The following RANBP2 variants were observed in gnomAD, a reference collection of about 807,000 sequenced individuals.
RANBP2 encodes RAN binding protein 2.
A neutral mutation model predicts 303.6 loss-of-function variants in RANBP2; 57 were observed. The observed-to-expected ratio is 0.19, with a 90% CI of 0.15 to 0.23. RANBP2 has a LOEUF of 0.23. RANBP2 is among the 10% of genes least tolerant of loss of function. The pLI is 1.00. For missense variants in RANBP2, 3,138 were observed against 3,780.8 expected, an observed-to-expected ratio of 0.83 and a Z score of 4.46; for synonymous variants, 1,167 against 1,301.5, an observed-to-expected ratio of 0.90 and a Z score of 2.23.
the RANBP2 span, among the ~76,000 whole-genome samples, chr2:108,864,978 A>G: frequency 6.6e-6 from 1 of 152,006 alleles, no homozygotes; most frequent in Admixed American, 6.6e-5. Flanking sequence ...AATAAATAGT[A>G]ACACATTCAC....
At chr2:109,426,337 T>C in the RANBP2 span, among the ~76,000 whole-genome samples, 1 of 152,236 alleles carries the variant, frequency 6.6e-6, no homozygotes, top group Non-Finnish European at 1.5e-5. Flanking sequence ...TTGTGATTCA[T>C]GGGAGGAGGT....
At chr2:109,430,679 T>A in the RANBP2 span, among the ~76,000 whole-genome samples, 1 of 152,240 alleles carries the variant, frequency 6.6e-6, no homozygotes, top group African/African-American at 2.4e-5. Flanking sequence ...ATTTCCTCTA[T>A]GGTGATGGGA....
chr2:109,714,342 G>A, the RANBP2 span, among the ~76,000 whole-genome samples: 3 of 151,778 alleles, frequency 2.0e-5, no homozygotes, highest in African/African-American at 4.8e-5. Context: ...TCGCTCTGTC[G>A]CCAGGCTGGA....
At chr2:108,797,791 A>G in the RANBP2 span, among the ~76,000 whole-genome samples, 1 of 152,168 alleles carries the variant, frequency 6.6e-6, no homozygotes, top group African/African-American at 2.4e-5. Context: ...GGAATATAGG[A>G]CATGATGTAT....
chr2:108,944,416 G>A, the RANBP2 span, among the ~76,000 whole-genome samples: 4 of 152,204 alleles, frequency 2.6e-5, no homozygotes, highest in Non-Finnish European at 5.9e-5. Context: ...GCCCGGCCCA[G>A]GAATGGTATA....
the RANBP2 span, among the ~76,000 whole-genome samples, chr2:109,483,976 C>T: frequency 2.6e-5 from 4 of 152,134 alleles, no homozygotes; most frequent in African/African-American, 9.7e-5. Flanking sequence ...ACCTCTATCT[C>T]AGCTCCTTGG....
the RANBP2 span, among the ~76,000 whole-genome samples, chr2:109,282,567 T>C: frequency 6.6e-6 from 1 of 152,202 alleles, no homozygotes; most frequent in Admixed American, 6.5e-5. Flanking sequence ...CTGCAGGGCC[T>C]GGGAACACTG....
the RANBP2 span, among the ~76,000 whole-genome samples, chr2:108,890,801 C>A: frequency 2.6e-5 from 4 of 152,068 alleles, no homozygotes; most frequent in Admixed American, 1.3e-4. Context: ...ACTAATAACT[C>A]GAATATTTGA....
chr2:108,748,191 G>A (rs373221693), intron 8 of RANBP2, among the ~76,000 whole-genome samples: 3 of 151,628 alleles, frequency 2.0e-5, no homozygotes, highest in East Asian at 1.9e-4. Context: ...CTCTGGGAAC[G>A]AGGCCTGGAA....
At chr2:108,979,467 TCACACACACACA>T in the RANBP2 span, among the ~76,000 whole-genome samples, 2 of 147,112 alleles carry the variant, frequency 1.4e-5, no homozygotes, top group African/African-American at 5.0e-5. Flanking sequence ...TCTCTCTCTC[TCACACACACACA>T]CACACACACA....
chr2:109,601,358 A>G, the RANBP2 span, among the ~76,000 whole-genome samples: 1 of 152,372 alleles, frequency 6.6e-6, no homozygotes, highest in South Asian at 2.1e-4. Flanking sequence ...GACCAAATAC[A>G]TATTTCACAA....
the RANBP2 span, among the ~76,000 whole-genome samples, chr2:109,356,931 G>A: frequency 1.3e-5 from 2 of 152,112 alleles, no homozygotes; most frequent in Non-Finnish European, 2.9e-5. Flanking sequence ...GCCATGACTC[G>A]GTTCTGGACT....
chr2:108,814,593 C>T, the RANBP2 span, among the ~76,000 whole-genome samples: 1 of 148,798 alleles, frequency 6.7e-6, no homozygotes, highest in South Asian at 2.2e-4. Context: ...CTTAATGTTG[C>T]CTATTTATTA....
the RANBP2 span, among the ~76,000 whole-genome samples, chr2:108,828,330 C>CT: frequency 6.6e-6 from 1 of 151,956 alleles, no homozygotes; most frequent in Non-Finnish European, 1.5e-5. Context: ...AAACATAAAA[C>CT]TTTTATATGT....
the RANBP2 span, among the ~76,000 whole-genome samples, chr2:109,142,126 C>A: frequency 6.6e-6 from 1 of 151,894 alleles, no homozygotes; most frequent in Non-Finnish European, 1.5e-5. Context: ...AGTCACCTAC[C>A]GGGTGGGGTC....
At chr2:109,247,758 G>C in the RANBP2 span, among the ~76,000 whole-genome samples, 1 of 152,174 alleles carries the variant, frequency 6.6e-6, no homozygotes, top group Non-Finnish European at 1.5e-5. Context: ...CCAAAACTTA[G>C]AGGCTTAAAA....
At chr2:109,574,744 A>G in the RANBP2 span, 1 of 1,595,646 alleles carries the variant, frequency 6.3e-7, no homozygotes, top group Non-Finnish European at 8.5e-7. Context: ...CTGAGCATCT[A>G]TGTAGTCAAC....
the RANBP2 span, among the ~76,000 whole-genome samples, chr2:108,824,558 C>A: frequency 3.9e-5 from 6 of 152,086 alleles, no homozygotes; most frequent in South Asian, 8.3e-4. Flanking sequence ...TCCTGGAAGA[C>A]CTGCTGAAGG....
chr2:108,962,711 G>A, the RANBP2 span, among the ~76,000 whole-genome samples: 2 of 144,016 alleles, frequency 1.4e-5, no homozygotes, highest in Non-Finnish European at 3.0e-5. Context: ...AGAGAGAAAG[G>A]AATGCAATTC....
Sources: gnomAD v4.1 joint callset for allele counts (sites outside exome capture counted in the v4.1 genomes callset) on GRCh38, gnomAD v4.1.1 for gene constraint, MANE v1.5 for transcripts, NCBI Gene and HGNC (gene_info 2026-07-23, HGNC 2026-07-21) for gene names.